Variants in SYNE2 observed in about 807,000 individuals in gnomAD.
The protein encoded by SYNE2 is nesprin-2.
Under a neutral mutation model 856.3 loss-of-function variants are expected in SYNE2, and 431 were observed. The observed-to-expected ratio is 0.50, with a 90% CI of 0.47 to 0.55. SYNE2 has a LOEUF of 0.55. Ranked by LOEUF, SYNE2 falls within the 20% of genes least tolerant of loss-of-function variation. The pLI, the probability that SYNE2 is intolerant of heterozygous loss-of-function variation, is 0.00. For missense variants in SYNE2, 8,129 were observed against 8,023.2 expected, an observed-to-expected ratio of 1.01 and a Z score of -0.50; for synonymous variants, 2,923 against 2,872.3, an observed-to-expected ratio of 1.02 and a Z score of -0.56.
chr14:63,998,622 C>T (rs528853620), intron 26 of SYNE2, among the ~76,000 whole-genome samples: 5 of 152,152 alleles, frequency 3.3e-5, no homozygotes, highest in East Asian at 3.9e-4. Flanking sequence ...AGTGCAGTGG[C>T]GCCATCTTGG....
At chr14:64,160,409 G>T (rs1167280313) in intron 87 of SYNE2, among the ~76,000 whole-genome samples, 1 of 152,220 alleles carries the variant, frequency 6.6e-6, no homozygotes, top group Non-Finnish European at 1.5e-5. Context: ...GTTACCTCTA[G>T]ATAAATGAGA....
intron 1 of SYNE2, among the ~76,000 whole-genome samples, chr14:63,814,984 C>CCATATATACATCCATATATAT (rs1888854284): frequency 7.2e-6 from 1 of 138,002 alleles, no homozygotes; most frequent in Non-Finnish European, 1.5e-5. Context: ...CCATATATAT[C>CCATATATACATCCATATATAT]CATATATACA....
At chr14:63,937,540 G>T (rs906565624) in intron 2 of SYNE2, among the ~76,000 whole-genome samples, 3 of 152,182 alleles carry the variant, frequency 2.0e-5, no homozygotes, top group African/African-American at 7.2e-5. Context: ...TTAGATGAGT[G>T]GGTGGGAAGC....
intron 1 of SYNE2, among the ~76,000 whole-genome samples, chr14:63,786,021 T>C (rs1211174008): frequency 2.0e-5 from 3 of 151,972 alleles, no homozygotes; most frequent in Non-Finnish European, 4.4e-5. Context: ...GAGGCTGAGA[T>C]GGGCGGATCA....
chr14:64,194,377 C>T (rs147252341), intron 99 of SYNE2, among the ~76,000 whole-genome samples: 3 of 152,198 alleles, frequency 2.0e-5, no homozygotes, highest in African/African-American at 7.2e-5. Flanking sequence ...ACTGCAGCCT[C>T]TACCTTTCAG....
rs769078644 is a variant in SYNE2, at chr14:63,941,911, C to G, written c.264C>G (p.Phe88Leu). The change falls in exon 5 of 116, where the codon TTC becomes TTG. Residue 88 changes from phenylalanine (F) to leucine (L), a missense_variant. By Grantham distance (22) the Phe-to-Leu change is conservative. This residue lies in a region of SYNE2 where 2,422 missense variants were observed against 2,357.4 expected (regional missense o/e 1.03). Transcript: ENST00000555002. Reference sequence around the variant, plus strand: ...CTCGGGATAAAGGATCTAATACCTTCCAGTGTAGAATCAATATAGAACATG... The same window carrying G: ...CTCGGGATAAAGGATCTAATACCTTGCAGTGTAGAATCAATATAGAACATG... ...QLPRDKGSNT[F>L]QCRINIEHAL... 4 of 1,613,194 alleles carry G rather than the reference C, an allele frequency of 2.5e-6. No individual in the cohort carries two copies. The highest frequency in any genetic ancestry group is 3.4e-6 in the Non-Finnish European group (4 of 1,179,894).
In SYNE2 at chr14:63,811,969, A is replaced by G. The variant is rs58381587; in HGVS notation, c.-304-40532A>G. 3.3e-5 allele frequency among the ~76,000 whole-genome samples: 5 copies of G among 152,320 alleles called. No individual in the cohort carries two copies. In the East Asian group the frequency reaches 9.6e-4, roughly 29 times the overall value. On this transcript the variant is annotated intron_variant, in intron 1 of 23. Coordinates refer to the SYNE2 transcript ENST00000674003. ...CAAAGGGTGAAATAAAAAACTCCTG[A>G]TAAGGGTCTATGTTCAGCTATACAC...
chr14:64,207,963 C>T (rs1453054953), intron 100 of SYNE2: 1 of 455,752 alleles, frequency 2.2e-6, no homozygotes, highest in Non-Finnish European at 4.4e-6. Flanking sequence ...CGCAGCCCAC[C>T]CATGGGGTAC....
chr14:63,791,534 G>A (rs1302630701), intron 1 of SYNE2, among the ~76,000 whole-genome samples: 1 of 152,120 alleles, frequency 6.6e-6, no homozygotes, highest in Non-Finnish European at 1.5e-5. Context: ...GAAAATGGAA[G>A]TATATCATAG....
chr14:64,139,060 T>G (rs1249527338), intron 79 of SYNE2, among the ~76,000 whole-genome samples: 6 of 151,870 alleles, frequency 4.0e-5, no homozygotes, highest in Non-Finnish European at 5.9e-5. Context: ...CGTGGCTCAC[T>G]GCAGCCTTGA....
Position 64,101,960 on chromosome 14 carries a change from C to T in SYNE2, c.12410C>T (p.Pro4137Leu), listed in dbSNP as rs200968997. ...GGAGATGAGAAGGCAGAGCCATCGC[C>T]TCAGTCTTGGTCTTCACTTTGGAAG... ...DNGDEKAEPS[P>L]QSWSSLWKHD... The change falls in exon 64 of 116, where the codon CCT becomes CTT. Residue 4137 changes from proline (P) to leucine (L), a missense_variant. Pro to Leu is a moderately conservative substitution (Grantham distance 98, BLOSUM62 -3). Transcript: ENST00000555002. 6.2e-7 allele frequency: 1 copy of T among 1,614,038 alleles called. No homozygotes were observed. The highest frequency in any genetic ancestry group is 8.5e-7 in the Non-Finnish European group (1 of 1,179,906).
At chr14:64,004,076 G>A (rs568091105) in intron 30 of SYNE2, among the ~76,000 whole-genome samples, 99 of 152,102 alleles carry the variant, frequency 6.5e-4, no homozygotes, top group African/African-American at 2.3e-3. Context: ...ACAGGCTGGA[G>A]TTCAGTGGTG....
chr14:64,100,288 C>G (rs2097710606), intron 63 of SYNE2: 1 of 151,548 alleles, frequency 6.6e-6, no homozygotes, highest in Non-Finnish European at 1.5e-5. Flanking sequence ...AATGAGAACA[C>G]ATGGACACAT....
At chr14:64,017,230 G>A (rs1337485640) in intron 33 of SYNE2, among the ~76,000 whole-genome samples, 1 of 149,814 alleles carries the variant, frequency 6.7e-6, no homozygotes, top group Non-Finnish European at 1.5e-5. Flanking sequence ...ACGGGAGGCT[G>A]AGGCAGGAGA....
At chr14:64,136,940 C>T (rs2098097010) in intron 78 of SYNE2, among the ~76,000 whole-genome samples, 1 of 152,152 alleles carries the variant, frequency 6.6e-6, no homozygotes, top group Non-Finnish European at 1.5e-5. Flanking sequence ...AGGGAGTAGG[C>T]TCTCCTAGAG....
At chr14:63,857,894 A>C (rs1446712987) in intron 1 of SYNE2, among the ~76,000 whole-genome samples, 1 of 152,072 alleles carries the variant, frequency 6.6e-6, no homozygotes, top group African/African-American at 2.4e-5. Flanking sequence ...ATTTCCATTC[A>C]GTCTTATCTT....
chr14:64,075,252 C>T (rs751189878), intron 53 of SYNE2, among the ~76,000 whole-genome samples: 3 of 152,200 alleles, frequency 2.0e-5, no homozygotes, highest in Non-Finnish European at 4.4e-5. Context: ...ACAGTCAAGT[C>T]AAGAAGTATT....
chr14:64,080,437 T>C lies in SYNE2; in HGVS notation c.11164-19T>C. On this transcript the variant is annotated intron_variant, in intron 55 of 115. Coordinates refer to ENST00000555002, the MANE Select transcript of SYNE2 (RefSeq NM_182914.3). ...CTATGACCTCTTCATTCAAGTTGACTTACGATTTCCTTCTCCAGAAAATGT... is the reference window on the plus strand; with the variant it reads ...CTATGACCTCTTCATTCAAGTTGACCTACGATTTCCTTCTCCAGAAAATGT... 6.2e-7 allele frequency: 1 copy of C among 1,613,940 alleles called. No individual in the cohort carries two copies. The highest frequency in any genetic ancestry group is 1.1e-5 in the South Asian group (1 of 91,070).
chr14:63,981,044 G>T lies in SYNE2; in HGVS notation c.1707G>T (p.Met569Ile). ...QYMMVKSDVC[M>I]YRKNIYNVKS... Reference sequence around the variant, plus strand: ...TGATGGTGAAATCTGATGTTTGTATGTATAGAAAAAATATATATAATGTGA... The same window carrying T: ...TGATGGTGAAATCTGATGTTTGTATTTATAGAAAAAATATATATAATGTGA... Residue 569 changes from methionine to isoleucine, a missense_variant, in exon 16 of 116, where the codon ATG (methionine) becomes ATT (isoleucine). Met to Ile is a conservative substitution (Grantham distance 10). Transcript: ENST00000555002. The T allele has an allele frequency of 6.3e-7, 1 of 1,582,352 alleles. No individual in the cohort carries two copies. The highest frequency in any genetic ancestry group is 8.7e-7 in the Non-Finnish European group (1 of 1,151,700).
Sources: gnomAD v4.1 joint callset for allele counts (sites outside exome capture counted in the v4.1 genomes callset) on GRCh38, gnomAD v4.1.1 for gene constraint, gnomAD v4.1.1 regional missense constraint, MANE v1.5 for transcripts, NCBI Gene and HGNC (gene_info 2026-07-23, HGNC 2026-07-21) for gene names.